The following TMEM68 variants were observed in gnomAD, a reference collection of about 807,000 sequenced individuals.
TMEM68 encodes the protein transmembrane protein 68.
In TMEM68, 25 loss-of-function variants were observed where a neutral mutation model predicts 36.9. That is an observed-to-expected ratio of 0.68 (90% confidence interval 0.49 to 0.95). The LOEUF (loss-of-function observed/expected upper bound fraction) is 0.95, where lower values mean the gene tolerates loss of function less well. TMEM68 is among the 40% of genes least tolerant of loss of function. The pLI, the probability that TMEM68 is intolerant of heterozygous loss-of-function variation, is 0.00. For synonymous variants in TMEM68, 131 were observed against 124.4 expected, an observed-to-expected ratio of 1.05 and a Z score of -0.35; for missense variants, 333 against 392.0, an observed-to-expected ratio of 0.85 and a Z score of 1.27.
At chr8:55,740,849 A>C (rs10106127) in intron 7 of TMEM68, among the ~76,000 whole-genome samples, 3 of 152,100 alleles carry the variant, frequency 2.0e-5, no homozygotes, top group Non-Finnish European at 4.4e-5. Flanking sequence ...ATGAGTCATC[A>C]TGAACTATGT....
intron 5 of TMEM68, among the ~76,000 whole-genome samples, chr8:55,749,918 A>T (rs1810382902): frequency 1.3e-5 from 2 of 152,092 alleles, no homozygotes; most frequent in Admixed American, 1.3e-4. Flanking sequence ...CGAGGATTAG[A>T]AAGAGTTATT....
rs1400551784 is a variant in TMEM68, at chr8:55,739,464, C to G, written c.*668G>C. On this transcript the variant is annotated 3_prime_UTR_variant, in exon 8 of 8. Transcript: ENST00000434581. ...AATTTAAAAAATAATACATCTTTTTCATTGTGCTTGGCAACTGGACATGAC... is the reference window on the plus strand; with the variant it reads ...AATTTAAAAAATAATACATCTTTTTGATTGTGCTTGGCAACTGGACATGAC... 3 of 143,564 alleles carry G rather than the reference C, an allele frequency of 2.1e-5. No homozygotes were observed. In the East Asian group the frequency reaches 6.2e-4, roughly 29 times the overall value. The allele number at this position is 143,564 out of a possible 1,614,324, so 8.9% of individuals were successfully genotyped here.
Position 55,745,082 on chromosome 8 carries a change from A to T in TMEM68, c.727T>A (p.Phe243Ile). ...PMFTQNIREG[F>I]RSLGGTRLFR... is the part of the protein sequence containing the mutation. ...TTACTTGTTCCTCCAAGTGATCTAA[A>T]TCCTTCTCGAATATTTTGTGTAAAC... Residue 243 changes from phenylalanine (F) to isoleucine (I), a missense_variant, in exon 6 of 8, where the codon TTT becomes ATT. By Grantham distance (21) the Phe-to-Ile change is conservative. Coordinates refer to ENST00000434581, the MANE Select transcript of TMEM68 (RefSeq NM_001286657.2). 6.7e-7 allele frequency: 1 copy of T among 1,497,064 alleles called. No individual in the cohort carries two copies. The highest frequency in any genetic ancestry group is 8.9e-7 in the Non-Finnish European group (1 of 1,128,400). The allele number at this position is 1,497,064 out of a possible 1,614,324, so 92.7% of individuals were successfully genotyped here.
rs563097418 is a variant in TMEM68, at chr8:55,743,520, C to T, written c.849G>A (p.Pro283=). ...KLRTYLGDPI[P]YDPQITAEEL... Reference sequence around the variant, plus strand: ...CTTCCGCTGTTATCTGTGGGTCATACGGAATGGGGTCGCCTAAATAGGTCC... The same window carrying T: ...CTTCCGCTGTTATCTGTGGGTCATATGGAATGGGGTCGCCTAAATAGGTCC... Residue 283 remains proline (P), a synonymous_variant, in exon 7 of 8, where the codon CCG becomes CCA. Coordinates refer to ENST00000434581, the MANE Select transcript of TMEM68 (RefSeq NM_001286657.2). 45 of 1,535,526 alleles carry T rather than the reference C, an allele frequency of 2.9e-5. No homozygotes were observed. The African/African-American group carries it at 4.2e-4, about 14-fold the overall frequency.
At position 55,762,953 on chromosome 8, in the gene TMEM68, C is replaced by T; in HGVS notation, c.7G>A (p.Asp3Asn). The change falls in exon 3 of 8, where the codon GAC (aspartate) becomes AAC (asparagine). Residue 3 changes from aspartate (D) to asparagine (N), a missense_variant. Physicochemically the swap from Asp to Asn is conservative, Grantham distance 23 (BLOSUM62 1). Transcript: ENST00000434581. ...CCTACACCACAGGTTTGATTTTTGT[C>T]TATCATTTTTCTTCAGGTGAAAATG... The part of the protein sequence containing the change: MI[D>N]KNQTCGVGQD... 6.4e-7 allele frequency: 1 copy of T among 1,572,350 alleles called. No homozygotes were observed. Among genetic ancestry groups the T allele is most frequent in the Non-Finnish European group, 8.6e-7 (1 of 1,160,398 alleles).
chr8:55,763,524 A>T (rs1450057457), intron 2 of TMEM68: 4 of 152,286 alleles, frequency 2.6e-5, no homozygotes, highest in Admixed American at 2.6e-4. Context: ...AGCAGCTGGG[A>T]CTACAGGCAT....
intron 3 of TMEM68, among the ~76,000 whole-genome samples, chr8:55,760,307 C>T (rs1810742930): frequency 6.6e-6 from 1 of 152,246 alleles, no homozygotes; most frequent in Admixed American, 6.5e-5. Flanking sequence ...TCCACATTCC[C>T]TTCCCATGTC....
rs561263260 is a variant in TMEM68, at chr8:55,759,253, T to C, written c.326-2842A>G. Among the ~76,000 whole-genome samples, 6 of 72,052 alleles carry C rather than the reference T, an allele frequency of 8.3e-5. No individual in the cohort carries two copies. In the East Asian group the frequency reaches 3.0e-3, roughly 36 times the overall value. 47.3% of individuals were successfully genotyped at this position (72,052 alleles called of 152,430 possible). A position where few individuals can be genotyped will look rare whatever the true frequency, so the allele number is the denominator to read the frequency against. The stretch of plus-strand genomic sequence containing the variant: ...TGGGCAAATCAGTGAAATCCCTGTC[T>C]CTACAAAAAAAAAAAAAAAAAATTA... On this transcript the variant is annotated intron_variant, in intron 3 of 7. Transcript: ENST00000434581.
rs1482889912 is a variant in TMEM68, at chr8:55,756,270, G to T, written c.467C>A (p.Ala156Asp). The change falls in exon 4 of 8, where the codon GCT (alanine) becomes GAT (aspartate). Residue 156 changes from alanine (A) to aspartate (D), a missense_variant. Ala to Asp is a moderately radical substitution (Grantham distance 126). Transcript: ENST00000434581. ...IHKGRTCRVV[A>D]DHFVFKIPGF... Reference sequence around the variant, plus strand: ...TGGAATTTTAAAGACAAAGTGATCAGCTACTACTCGGCAAGTTCTGCCTTT... The same window carrying T: ...TGGAATTTTAAAGACAAAGTGATCATCTACTACTCGGCAAGTTCTGCCTTT... 1.2e-6 allele frequency: 2 copies of T among 1,602,482 alleles called. No individual in the cohort carries two copies. Among genetic ancestry groups the T allele is most frequent in the Non-Finnish European group, 1.7e-6 (2 of 1,177,206 alleles).
intron 1 of TMEM68, among the ~76,000 whole-genome samples, chr8:55,770,924 G>A (rs997698829): frequency 6.6e-6 from 1 of 152,154 alleles, no homozygotes; most frequent in African/African-American, 2.4e-5. Context: ...GCGAAGCAGC[G>A]GCAGGAGGAT....
chr8:55,771,826 T>C (rs1811180777), intron 1 of TMEM68, among the ~76,000 whole-genome samples: 1 of 152,242 alleles, frequency 6.6e-6, no homozygotes, highest in Non-Finnish European at 1.5e-5. Flanking sequence ...TTTTACTGAA[T>C]AGGACTTCTA....
chr8:55,757,108 T>G (rs1810630111), intron 3 of TMEM68, among the ~76,000 whole-genome samples: 1 of 152,134 alleles, frequency 6.6e-6, no homozygotes, highest in Non-Finnish European at 1.5e-5. Flanking sequence ...AAAAATACTG[T>G]ACAGTATTAC....
chr8:55,756,119 T>A (rs1003365969), intron 4 of TMEM68, 125 bp downstream of exon 4: 1 of 660,170 alleles, frequency 1.5e-6, no homozygotes, highest in African/African-American at 1.9e-5. Context: ...CCAAGAGTGT[T>A]ATACACACCC....
intron 6 of TMEM68, among the ~76,000 whole-genome samples, 173 bp from the exon 7 acceptor site, chr8:55,743,793 A>G (rs938244364): frequency 9.9e-5 from 15 of 152,212 alleles, no homozygotes; most frequent in African/African-American, 3.6e-4. Context: ...TAACAAATAT[A>G]TCACACCAAT....
intron 1 of TMEM68, among the ~76,000 whole-genome samples, chr8:55,771,449 C>A (rs910680874): frequency 1.3e-5 from 2 of 151,478 alleles, no homozygotes; most frequent in African/African-American, 4.9e-5. Context: ...AAAACACACA[C>A]ACACACACAC....
At chr8:55,744,940 C>T (rs79874244) in intron 6 of TMEM68, 121 bp downstream of exon 6, 15,125 of 565,862 alleles carry the variant, frequency 0.027, 275 homozygotes, top group Non-Finnish European at 0.034. Flanking sequence ...AACAGAAAAA[C>T]GTCTAAATAG....
intron 1 of TMEM68, among the ~76,000 whole-genome samples, chr8:55,765,094 T>C (rs1033663435): frequency 6.6e-6 from 1 of 151,874 alleles, no homozygotes; most frequent in Non-Finnish European, 1.5e-5. Flanking sequence ...ATAAAAAAAG[T>C]CAAATCACTA....
At chr8:55,751,201 G>C in intron 4 of TMEM68, 44 bp from the exon 5 acceptor site, 1 of 1,507,236 alleles carries the variant, frequency 6.6e-7, no homozygotes, top group Non-Finnish European at 8.9e-7. Context: ...AGTATTTCTT[G>C]TTTAATTCTT....
Position 55,755,060 on chromosome 8 carries a change from A to C in TMEM68, c.493+1184T>G, listed in dbSNP as rs554468840. ...GCACTTGTAATCCCAAAACTTTTGA[A>C]GGCCACAGTGGGAGGATCACTTGAG... On this transcript the variant is annotated intron_variant, in intron 4 of 7. Transcript: ENST00000434581. 9.4e-5 allele frequency among the ~76,000 whole-genome samples: 14 copies of C among 149,610 alleles called. No homozygotes were observed. The South Asian group carries it at 2.9e-3, about 31-fold the overall frequency.
Sources: allele counts gnomAD v4.1 joint callset (sites outside exome capture counted in the v4.1 genomes callset), GRCh38; gene constraint gnomAD v4.1.1; transcripts MANE v1.5; gene names NCBI Gene and HGNC (gene_info 2026-07-23, HGNC 2026-07-21).